The following HERC4 variants were observed in gnomAD, a reference collection of about 807,000 sequenced individuals.
The protein encoded by HERC4 is HECT and RLD domain containing E3 ubiquitin protein ligase 4.
A neutral mutation model predicts 124.3 loss-of-function variants in HERC4; 28 were observed. The ratio of observed to expected loss-of-function variants is 0.23; its 90% CI spans 0.17 to 0.31. The LOEUF (loss-of-function observed/expected upper bound fraction) is 0.31. Ranked by LOEUF, HERC4 falls within the 10% of genes least tolerant of loss-of-function variation. The pLI is 1.00. For synonymous variants in HERC4, 407 were observed against 421.5 expected (o/e 0.97, Z 0.42); for missense variants, 713 against 1,229.3 (o/e 0.58, Z 6.28).
intron 4 of HERC4, among the ~76,000 whole-genome samples, chr10:68,043,817 AAAAC>A (rs1389025647): frequency 1.9e-4 from 29 of 152,298 alleles, no homozygotes; most frequent in African/African-American, 5.1e-4. Flanking sequence ...CTCTGTCTCA[AAAAC>A]AAACAAACAA....
intron 3 of HERC4, chr10:68,070,249 T>C (rs2041504206): frequency 5.1e-6 from 5 of 975,056 alleles, no homozygotes; most frequent in Non-Finnish European, 4.9e-6. Context: ...CATTAACGAA[T>C]TATTCCAAAT....
chr10:68,019,183 A>G (rs2038455446), intron 8 of HERC4, among the ~76,000 whole-genome samples: 2 of 152,018 alleles, frequency 1.3e-5, no homozygotes, highest in Middle Eastern at 3.4e-3. Flanking sequence ...TTTAGTAGAG[A>G]CAGGGTTTCA....
chr10:68,056,230 TAG>T (rs1441473370), intron 3 of HERC4, among the ~76,000 whole-genome samples: 1 of 152,178 alleles, frequency 6.6e-6, no homozygotes, highest in African/African-American at 2.4e-5. Context: ...AATATATTAG[TAG>T]AGTTTTAAAT....
chr10:68,053,863 C>G (rs868003668), intron 3 of HERC4, among the ~76,000 whole-genome samples: 1 of 152,090 alleles, frequency 6.6e-6, no homozygotes, highest in African/African-American at 2.4e-5. Context: ...TTTGTGTTCA[C>G]GTTAACAGGA....
chr10:68,034,234 A>G, intron 5 of HERC4, 48 bp from the exon 6 acceptor site: 2 of 1,372,188 alleles, frequency 1.5e-6, no homozygotes, highest in Non-Finnish European at 2.0e-6. Context: ...ACATGCAAAA[A>G]ATTTAATTTG....
intron 1 of HERC4, among the ~76,000 whole-genome samples, chr10:68,074,393 T>C (rs2133898994): frequency 6.6e-6 from 1 of 152,230 alleles, no homozygotes; most frequent in South Asian, 2.1e-4. Flanking sequence ...TTGATTTCAT[T>C]CTTTTGGGGT....
chr10:67,990,846 A>C, intron 13 of HERC4, 58 bp downstream of exon 13: 1 of 1,084,726 alleles, frequency 9.2e-7, no homozygotes, highest in Non-Finnish European at 1.3e-6. Flanking sequence ...AAACGTATAA[A>C]ACAAAAGAAA....
intron 8 of HERC4, among the ~76,000 whole-genome samples, chr10:68,021,739 C>T (rs1273303739): frequency 6.6e-6 from 1 of 152,050 alleles, no homozygotes; most frequent in Non-Finnish European, 1.5e-5. Context: ...ACCCAGGAGG[C>T]AGAGGTTGCG....
intron 19 of HERC4, among the ~76,000 whole-genome samples, chr10:67,951,836 T>A (rs1184262525): frequency 1.3e-5 from 2 of 152,190 alleles, no homozygotes; most frequent in Non-Finnish European, 2.9e-5. Flanking sequence ...AATTCCTTCA[T>A]TCACAAACTT....
At chr10:67,945,755 T>C (rs1272149371) in intron 19 of HERC4, among the ~76,000 whole-genome samples, 4 of 152,168 alleles carry the variant, frequency 2.6e-5, no homozygotes, top group African/African-American at 7.2e-5. Flanking sequence ...GTTTATGTAA[T>C]TGGTGTTTAC....
chr10:68,046,841 C>T (rs903504946), intron 3 of HERC4, among the ~76,000 whole-genome samples: 5 of 152,044 alleles, frequency 3.3e-5, no homozygotes, highest in African/African-American at 9.7e-5. Flanking sequence ...CGTGGTGGCA[C>T]ACATCTGTGG....
chr10:67,963,654 CTT>C (rs1166517239), intron 16 of HERC4, among the ~76,000 whole-genome samples: 1 of 152,138 alleles, frequency 6.6e-6, no homozygotes, highest in Non-Finnish European at 1.5e-5. Flanking sequence ...AATTGTTCTT[CTT>C]TAAAAGGGTC....
chr10:68,018,384 G>T (rs917935192), intron 8 of HERC4, among the ~76,000 whole-genome samples: 1 of 152,044 alleles, frequency 6.6e-6, no homozygotes, highest in Non-Finnish European at 1.5e-5. Context: ...GTCTGATAGA[G>T]GTTATCTATA....
intron 3 of HERC4, among the ~76,000 whole-genome samples, chr10:68,071,226 C>T (rs2041558477): frequency 2.6e-5 from 4 of 152,194 alleles, no homozygotes; most frequent in Admixed American, 2.0e-4. Context: ...ATCACAATGT[C>T]AACATGACCA....
intron 19 of HERC4, among the ~76,000 whole-genome samples, chr10:67,946,383 ACACACACACACAC>A (rs2033348903): frequency 2.1e-5 from 3 of 145,344 alleles, no homozygotes; most frequent in African/African-American, 5.0e-5. Flanking sequence ...ACACACACAC[ACACACACACACAC>A]AAGACCCAAT....
At chr10:67,965,512 A>T (rs2034808426) in intron 16 of HERC4, 1 of 152,248 alleles carries the variant, frequency 6.6e-6, no homozygotes, top group Non-Finnish European at 1.5e-5. Context: ...AAAGTCAATG[A>T]GTCTCTCCCA....
At chr10:68,012,716 C>G (rs1207948638) in intron 9 of HERC4, among the ~76,000 whole-genome samples, 2 of 152,158 alleles carry the variant, frequency 1.3e-5, no homozygotes, top group Admixed American at 1.3e-4. Flanking sequence ...GACATAAAGA[C>G]ACAAAGTGAG....
chr10:67,944,244 A>G (rs948340983), intron 19 of HERC4, among the ~76,000 whole-genome samples: 1 of 152,216 alleles, frequency 6.6e-6, no homozygotes, highest in African/African-American at 2.4e-5. Context: ...AGCTCCAGAG[A>G]GCTCAGCATA....
intron 3 of HERC4, among the ~76,000 whole-genome samples, chr10:68,057,005 T>C (rs2040581622): frequency 1.3e-5 from 2 of 152,194 alleles, no homozygotes; most frequent in Admixed American, 1.3e-4. Flanking sequence ...TTGCATTTTG[T>C]TTTGACAGAT....
Sources: allele counts gnomAD v4.1 joint callset (sites outside exome capture counted in the v4.1 genomes callset), GRCh38; gene constraint gnomAD v4.1.1; transcripts MANE v1.5; gene names NCBI Gene and HGNC (gene_info 2026-07-23, HGNC 2026-07-21).